The following PALM2AKAP2 variants were observed in gnomAD, a reference collection of about 807,000 sequenced individuals.
The protein encoded by PALM2AKAP2 is PALM2 and AKAP2 fusion, also known as PALM2-AKAP2 fusion protein.
A neutral mutation model predicts 71.5 loss-of-function variants in PALM2AKAP2; 37 were observed. That is an observed-to-expected ratio of 0.52 (90% CI 0.40 to 0.68). The LOEUF (loss-of-function observed/expected upper bound fraction) is 0.68. Among genes scored for constraint, PALM2AKAP2 ranks in the 30% least tolerant of loss-of-function variants. The pLI is 0.00. For synonymous variants in PALM2AKAP2, 468 were observed against 478.8 expected (o/e 0.98, Z 0.29); for missense variants, 1,224 against 1,191.8 (o/e 1.03, Z -0.40).
intron 6 of PALM2AKAP2, among the ~76,000 whole-genome samples, chr9:109,937,515 TTAAAA>T (rs913765095): frequency 1.3e-5 from 2 of 152,230 alleles, no homozygotes; most frequent in African/African-American, 4.8e-5. Flanking sequence ...AAAGAGCATA[TTAAAA>T]TAAAATAAAA....
chr9:110,096,426 A>AATTT (rs71373967), intron 1 of PALM2AKAP2, among the ~76,000 whole-genome samples: 20 of 149,500 alleles, frequency 1.3e-4, no homozygotes, highest in South Asian at 1.3e-3. Flanking sequence ...ATTATGCCTG[A>AATTT]ATTTATTTAT....
At chr9:109,839,829 G>A (rs1392217496) in intron 1 of PALM2AKAP2, among the ~76,000 whole-genome samples, 16 of 152,146 alleles carry the variant, frequency 1.1e-4, no homozygotes, top group Admixed American at 1.0e-3. Flanking sequence ...ACCTCTTCAA[G>A]GAGAGCTACA....
rs757329124 is a variant in PALM2AKAP2, at chr9:110,136,413, T to TGCTAGAG, written c.446_452dup (p.Asn152ArgfsTer6). On this transcript the variant is annotated frameshift_variant, in exon 2 of 4. Transcript: ENST00000374525. LOFTEE classifies it high-confidence loss of function. ...AGAGAGATCCGCTATCTAGATGAGG[T>TGCTAGAG]GCTAGAGGCCAACTGCTGTGATTCT... 2 of 1,614,040 alleles carry TGCTAGAG rather than the reference T, an allele frequency of 1.2e-6. No individual in the cohort carries two copies. The highest frequency in any genetic ancestry group is 3.3e-5 in the Admixed American group (2 of 60,006).
chr9:109,726,271 G>A (rs1828475277), intron 1 of PALM2AKAP2, among the ~76,000 whole-genome samples: 2 of 152,172 alleles, frequency 1.3e-5, no homozygotes, highest in Non-Finnish European at 2.9e-5. Flanking sequence ...GAAAGCAGCA[G>A]GTGCCATGTA....
intron 1 of PALM2AKAP2, among the ~76,000 whole-genome samples, chr9:110,051,148 A>C (rs1374818440): frequency 6.6e-6 from 1 of 152,196 alleles, no homozygotes; most frequent in Non-Finnish European, 1.5e-5. Flanking sequence ...CTGGGCTTTG[A>C]GATGGGACAA....
chr9:109,748,198 G>A (rs1315346964), intron 1 of PALM2AKAP2, among the ~76,000 whole-genome samples: 2 of 152,080 alleles, frequency 1.3e-5, no homozygotes, highest in East Asian at 1.9e-4. Context: ...CTGTAGCAGA[G>A]TGACCAAGCA....
intron 1 of PALM2AKAP2, among the ~76,000 whole-genome samples, chr9:109,837,039 A>T (rs1828500405): frequency 6.6e-6 from 1 of 152,204 alleles, no homozygotes; most frequent in Non-Finnish European, 1.5e-5. Context: ...CGCCACAAAG[A>T]TACTCCTCGA....
At chr9:109,934,864 C>G (rs1329283856) in intron 6 of PALM2AKAP2, among the ~76,000 whole-genome samples, 1 of 152,198 alleles carries the variant, frequency 6.6e-6, no homozygotes, top group Non-Finnish European at 1.5e-5. Flanking sequence ...CTACAGAATT[C>G]TTTTGTTTTT....
chr9:109,662,988 G>C (rs12340530), intron 1 of PALM2AKAP2, among the ~76,000 whole-genome samples: 17,240 of 152,136 alleles, frequency 0.11, 1,261 homozygotes, highest in Non-Finnish European at 0.16. Flanking sequence ...ATGATAGCTT[G>C]TATTTTTGTG....
intron 1 of PALM2AKAP2, among the ~76,000 whole-genome samples, chr9:110,055,683 C>T (rs1034404127): frequency 6.6e-6 from 1 of 152,126 alleles, no homozygotes; most frequent in African/African-American, 2.4e-5. Flanking sequence ...AAAGGATTCT[C>T]ATTGTGCAGA....
At chr9:110,077,095 A>G (rs1834340085) in intron 1 of PALM2AKAP2, among the ~76,000 whole-genome samples, 2 of 152,220 alleles carry the variant, frequency 1.3e-5, no homozygotes, top group South Asian at 4.1e-4. Context: ...AATGTTCTCC[A>G]TAGCTCATAG....
intron 7 of PALM2AKAP2, chr9:110,024,828 T>G: frequency 2.9e-6 from 2 of 695,548 alleles, no homozygotes; most frequent in Non-Finnish European, 5.0e-6. Context: ...GTTTTTTGTT[T>G]TTTTTTTTTA....
chr9:109,950,860 A>G (rs1388411010), intron 6 of PALM2AKAP2, among the ~76,000 whole-genome samples: 5 of 152,242 alleles, frequency 3.3e-5, no homozygotes, highest in Non-Finnish European at 5.9e-5. Context: ...CTAATCTCTT[A>G]TTACTAAGGA....
chr9:109,881,734 G>C (rs556470956), intron 3 of PALM2AKAP2, among the ~76,000 whole-genome samples: 24 of 152,204 alleles, frequency 1.6e-4, no homozygotes, highest in African/African-American at 5.3e-4. Context: ...AGGACACCTA[G>C]CCAGAGAGAT....
intron 1 of PALM2AKAP2, among the ~76,000 whole-genome samples, chr9:110,062,166 G>T (rs575748502): frequency 3.9e-5 from 6 of 152,254 alleles, no homozygotes; most frequent in African/African-American, 1.4e-4. Context: ...GTGTGCCATG[G>T]TGCTTTGCTG....
At chr9:110,005,106 T>G (rs921041911) in intron 6 of PALM2AKAP2, among the ~76,000 whole-genome samples, 5 of 152,234 alleles carry the variant, frequency 3.3e-5, no homozygotes, top group Non-Finnish European at 7.3e-5. Flanking sequence ...GGTGCTCTGA[T>G]TTTTAGAGTT....
chr9:110,112,998 T>G (rs1041512040), intron 1 of PALM2AKAP2, among the ~76,000 whole-genome samples: 1 of 152,246 alleles, frequency 6.6e-6, no homozygotes, highest in African/African-American at 2.4e-5. Flanking sequence ...TCGGGCTCTT[T>G]GTTCCTTCTC....
chr9:109,753,073 A>T (rs1828907928), intron 1 of PALM2AKAP2, among the ~76,000 whole-genome samples: 1 of 152,138 alleles, frequency 6.6e-6, no homozygotes, highest in South Asian at 2.1e-4. Flanking sequence ...ATGATTGGTG[A>T]ACCAAGATGC....
chr9:110,065,906 A>AT, intron 1 of PALM2AKAP2, among the ~76,000 whole-genome samples: 1 of 152,334 alleles, frequency 6.6e-6, no homozygotes, highest in Non-Finnish European at 1.5e-5. Context: ...AAAAAATTGA[A>AT]TAATGTCCCA....
Sources: allele counts gnomAD v4.1 joint callset (sites outside exome capture counted in the v4.1 genomes callset), GRCh38; gene constraint gnomAD v4.1.1; transcripts MANE v1.5; gene names NCBI Gene and HGNC (gene_info 2026-07-23, HGNC 2026-07-21).